VOPP1: variants seen among roughly 807,000 people sequenced by gnomAD.
VOPP1 encodes VOPP1 WW domain binding protein.
VOPP1 carries 8 observed loss-of-function variants against 23.5 expected under a neutral mutation model. That is an observed-to-expected ratio of 0.34 (90% CI 0.20 to 0.61). The LOEUF is 0.61. Ranked by LOEUF, VOPP1 falls within the 20% of genes least tolerant of loss-of-function variation. The pLI, the probability that VOPP1 is intolerant of heterozygous loss-of-function variation, is 0.78. For missense variants in VOPP1, 174 were observed against 238.1 expected, an observed-to-expected ratio of 0.73 and a Z score of 1.77; for synonymous variants, 83 against 97.3, an observed-to-expected ratio of 0.85 and a Z score of 0.86.
chr7:55,478,960 G>GA (rs1308519319), intron 4 of VOPP1, among the ~76,000 whole-genome samples: 4 of 152,166 alleles, frequency 2.6e-5, no homozygotes, highest in Non-Finnish European at 5.9e-5. Context: ...GAGCTGAGGG[G>GA]GGCAGCAGGG....
At chr7:55,518,543 T>C (rs1030727617) in intron 2 of VOPP1, among the ~76,000 whole-genome samples, 1 of 152,092 alleles carries the variant, frequency 6.6e-6, no homozygotes, top group African/African-American at 2.4e-5. Context: ...AGGAACAAAC[T>C]TTTATGGGGA....
intron 2 of VOPP1, among the ~76,000 whole-genome samples, chr7:55,502,391 C>G (rs1794429193): frequency 6.6e-6 from 1 of 152,264 alleles, no homozygotes; most frequent in African/African-American, 2.4e-5. Context: ...TTATCTCTTT[C>G]TTCTCTCAAA....
intron 4 of VOPP1, among the ~76,000 whole-genome samples, chr7:55,459,217 TA>T (rs1791441474): frequency 6.6e-6 from 1 of 152,186 alleles, no homozygotes; most frequent in South Asian, 2.1e-4. Context: ...CATCTTTGGG[TA>T]AATCACACTT....
At chr7:55,436,789 T>G (rs1410272035) in intron 4 of VOPP1, among the ~76,000 whole-genome samples, 1 of 152,152 alleles carries the variant, frequency 6.6e-6, no homozygotes, top group East Asian at 1.9e-4. Context: ...AACCACAGTT[T>G]CAGGCTTATT....
chr7:55,497,070 T>C (rs1195164173), intron 3 of VOPP1, among the ~76,000 whole-genome samples: 1 of 152,186 alleles, frequency 6.6e-6, no homozygotes, highest in Non-Finnish European at 1.5e-5. Flanking sequence ...CCATGGAATG[T>C]GCTCCCACCC....
intron 1 of VOPP1, among the ~76,000 whole-genome samples, chr7:55,542,040 G>A (rs1055438453): frequency 3.3e-5 from 5 of 152,292 alleles, no homozygotes; most frequent in Non-Finnish European, 5.9e-5. Context: ...ATACAATATA[G>A]ATGGGCGAGA....
In VOPP1 at chr7:55,464,275, GCCTA is replaced by G. The variant is rs1791579498; in HGVS notation, n.417+28003_417+28006del. 2.0e-5 allele frequency among the ~76,000 whole-genome samples: 3 copies of G among 152,198 alleles called. No individual in the cohort carries two copies. The South Asian group carries it at 6.2e-4, about 32-fold the overall frequency. ...TGTGGGCAGAGGTGGTGGGCAGGTGGCCTACCTGATGGTGCATGCACTTGCCAGC... is the reference window on the plus strand; with the variant it reads ...TGTGGGCAGAGGTGGTGGGCAGGTGGCCTGATGGTGCATGCACTTGCCAGC... On this transcript the variant is annotated intron_variant and non_coding_transcript_variant, in intron 4 of 4. Transcript: ENST00000462326.
chr7:55,442,991 C>T (rs866416042), intron 4 of VOPP1, among the ~76,000 whole-genome samples: 13 of 151,740 alleles, frequency 8.6e-5, no homozygotes, highest in East Asian at 1.9e-4. Flanking sequence ...TGGTGGCAGG[C>T]GCCTGTAGTC....
At chr7:55,451,709 T>C (rs987732221) in intron 4 of VOPP1, among the ~76,000 whole-genome samples, 3 of 152,214 alleles carry the variant, frequency 2.0e-5, no homozygotes, top group Non-Finnish European at 4.4e-5. Flanking sequence ...GAGAATCACT[T>C]GAACCCAGGA....
chr7:55,495,421 C>T (rs182169412), intron 3 of VOPP1, among the ~76,000 whole-genome samples: 5 of 152,246 alleles, frequency 3.3e-5, no homozygotes, highest in East Asian at 3.9e-4. Flanking sequence ...CCCATCCTGC[C>T]GCCACTCCTG....
chr7:55,470,212 A>C (rs1472965094), downstream of VOPP1, among the ~76,000 whole-genome samples: 1 of 152,142 alleles, frequency 6.6e-6, no homozygotes. Context: ...CTAAAACACA[A>C]AATAAAATAA....
chr7:55,509,947 C>T (rs1299684035), intron 2 of VOPP1, among the ~76,000 whole-genome samples: 1 of 152,198 alleles, frequency 6.6e-6, no homozygotes, highest in Non-Finnish European at 1.5e-5. Context: ...CTCTGTCTTG[C>T]CTTTACTACA....
chr7:55,553,756 T>TACACACACACAC (rs59300549), intron 1 of VOPP1: 2 of 138,508 alleles, frequency 1.4e-5, no homozygotes, highest in African/African-American at 5.7e-5. Context: ...CCCTGCACTC[T>TACACACACACAC]ACACACACAC....
downstream of VOPP1, among the ~76,000 whole-genome samples, chr7:55,466,291 C>T (rs1161925217): frequency 6.6e-6 from 1 of 152,222 alleles, no homozygotes; most frequent in East Asian, 1.9e-4. Flanking sequence ...CTAAGGATCA[C>T]TTTAGCTGAG....
Position 55,455,107 on chromosome 7 carries a change from A to C in VOPP1, n.418-18933T>G, listed in dbSNP as rs191426170. 1.9e-3 allele frequency among the ~76,000 whole-genome samples: 285 copies of C among 152,372 alleles called. 1 individual carries two copies. Among genetic ancestry groups the C allele is most frequent in the Non-Finnish European group, 3.2e-3 (217 of 68,038 alleles). On this transcript the variant is annotated intron_variant and non_coding_transcript_variant, in intron 4 of 4. Coordinates refer to the VOPP1 transcript ENST00000462326. ...CTTAAGCTGATAAGCAACTTCAGCAAAGTCTCAGGATACAAAATCAACACG... is the reference window on the plus strand; with the variant it reads ...CTTAAGCTGATAAGCAACTTCAGCACAGTCTCAGGATACAAAATCAACACG...
At chr7:55,556,520 A>C (rs1175403910) in intron 1 of VOPP1, among the ~76,000 whole-genome samples, 1 of 152,206 alleles carries the variant, frequency 6.6e-6, no homozygotes, top group African/African-American at 2.4e-5. Flanking sequence ...CCTCCACGAC[A>C]GGCCATGATG....
At position 55,572,423 on chromosome 7, in the gene VOPP1, A is replaced by G. The variant is rs2129058743; in HGVS notation, c.-99T>C. On this transcript the variant is annotated 5_prime_UTR_variant, in exon 1 of 5. Coordinates refer to ENST00000285279, the MANE Select transcript of VOPP1 (RefSeq NM_030796.5). ...GGCGGGCGGGCAGACTGCAGCCGGG[A>G]GCCGTCCCGCCGACCGCTGGGGGGC... 1.1e-6 allele frequency: 1 copy of G among 877,218 alleles called. No individual in the cohort carries two copies. The highest frequency in any genetic ancestry group is 1.4e-6 in the Non-Finnish European group (1 of 699,854). The allele number at this position is 877,218 out of a possible 1,614,324, so 54.3% of individuals were successfully genotyped here.
chr7:55,497,471 AC>A, intron 3 of VOPP1, 141 bp downstream of exon 3: 2 of 708,774 alleles, frequency 2.8e-6, no homozygotes, highest in Non-Finnish European at 4.8e-6. Context: ...GCCAACCCAA[AC>A]ATACCCATTT....
At chr7:55,468,769 G>C (rs373907064), downstream of VOPP1, among the ~76,000 whole-genome samples, 1 of 152,182 alleles carries the variant, frequency 6.6e-6, no homozygotes, top group African/African-American at 2.4e-5. Flanking sequence ...CCTAAGGGAG[G>C]AGTGAAGCCC....
Sources: gnomAD v4.1 joint callset for allele counts (sites outside exome capture counted in the v4.1 genomes callset) on GRCh38, gnomAD v4.1.1 for gene constraint, MANE v1.5 for transcripts, NCBI Gene and HGNC (gene_info 2026-07-23, HGNC 2026-07-21) for gene names.